Variants in CRPPA observed in about 807,000 individuals in gnomAD.
The protein encoded by CRPPA is CDP-L-ribitol pyrophosphorylase A, also known as D-ribitol-5-phosphate cytidylyltransferase.
CRPPA carries 43 observed loss-of-function variants against 52.0 expected under a neutral mutation model. That is an observed-to-expected ratio of 0.83 (90% CI 0.65 to 1.07). The LOEUF (loss-of-function observed/expected upper bound fraction) is 1.07. Among genes scored for constraint, CRPPA ranks in the 50% least tolerant of loss-of-function variants. CRPPA has a pLI of 0.00. For synonymous variants in CRPPA, 250 were observed against 203.5 expected (o/e 1.23, Z -1.94); for missense variants, 629 against 551.7 (o/e 1.14, Z -1.40).
intron 9 of CRPPA, among the ~76,000 whole-genome samples, chr7:16,116,689 A>AAGGGAAGGGAAAGGAAAGGGG (rs1782381954): frequency 6.6e-6 from 1 of 150,466 alleles, no homozygotes. Flanking sequence ...AAGGAAAGGG[A>AAGGGAAGGGAAAGGAAAGGGG]AGGGAAAGGG....
chr7:16,368,814 C>T (rs556079931), intron 3 of CRPPA, among the ~76,000 whole-genome samples: 42 of 152,226 alleles, frequency 2.8e-4, no homozygotes, highest in Non-Finnish European at 5.4e-4. Flanking sequence ...ACCTTACACA[C>T]GGATCTTTGC....
At chr7:16,217,168 C>G (rs1380445248) in intron 8 of CRPPA, among the ~76,000 whole-genome samples, 4 of 145,532 alleles carry the variant, frequency 2.7e-5, no homozygotes, top group South Asian at 4.6e-4. Flanking sequence ...GAGGCACCCC[C>G]CAGCAGGGGC....
intron 3 of CRPPA, among the ~76,000 whole-genome samples, chr7:16,358,102 G>A (rs977980442): frequency 2.0e-5 from 3 of 152,156 alleles, no homozygotes; most frequent in African/African-American, 7.2e-5. Flanking sequence ...ATCTCCATGA[G>A]GGTTTACACA....
chr7:16,366,004 T>C (rs975459314), intron 3 of CRPPA, among the ~76,000 whole-genome samples: 22 of 152,320 alleles, frequency 1.4e-4, no homozygotes, highest in African/African-American at 5.3e-4. Flanking sequence ...TATCTCAGAC[T>C]GCATAGTTTA....
At chr7:16,225,003 A>G (rs868350659) in intron 8 of CRPPA, among the ~76,000 whole-genome samples, 2 of 152,164 alleles carry the variant, frequency 1.3e-5, no homozygotes, top group African/African-American at 4.8e-5. Flanking sequence ...GTCACTGGTA[A>G]ATCTTCACAA....
chr7:16,248,762 C>T (rs893056970), intron 8 of CRPPA, among the ~76,000 whole-genome samples: 8 of 152,104 alleles, frequency 5.3e-5, no homozygotes, highest in South Asian at 2.1e-4. Flanking sequence ...GGTGGGGCGT[C>T]GCCTCACCTG....
At chr7:16,316,228 T>C (rs1338815562) in intron 3 of CRPPA, among the ~76,000 whole-genome samples, 1 of 151,864 alleles carries the variant, frequency 6.6e-6, no homozygotes, top group Non-Finnish European at 1.5e-5. Context: ...AGAAGCCAGG[T>C]AGGAGGGGTT....
In CRPPA at chr7:16,089,217, T is replaced by C. The variant is rs1408226815; in HGVS notation, c.*2478A>G. ...GTGTGTATATACGTACGTATATACA[T>C]ATATGTGTGTATGCGTACGTATATA... On this transcript the variant is annotated 3_prime_UTR_variant, in exon 10 of 10. Transcript: ENST00000407010. The C allele has an allele frequency of 5.4e-6, 2 of 371,682 alleles. No homozygotes were observed. Among genetic ancestry groups the C allele is most frequent in the Admixed American group, 2.5e-5 (1 of 40,662 alleles). 23.0% of individuals were successfully genotyped at this position (371,682 alleles called of 1,614,324 possible).
intron 9 of CRPPA, among the ~76,000 whole-genome samples, chr7:16,108,171 T>C (rs1252674116): frequency 6.6e-6 from 1 of 152,000 alleles, no homozygotes; most frequent in East Asian, 1.9e-4. Context: ...TTGAATTCTC[T>C]GAGACACAAA....
Position 16,376,099 on chromosome 7 carries a change from T to TA in CRPPA, c.676dup (p.Tyr226LeufsTer5). The TA allele has an allele frequency of 6.3e-7, 1 of 1,587,166 alleles. No individual in the cohort carries two copies. Among genetic ancestry groups the TA allele is most frequent in the Non-Finnish European group, 8.6e-7 (1 of 1,167,124 alleles). On this transcript the variant is annotated frameshift_variant, in exon 3 of 10. Coordinates refer to ENST00000407010, the MANE Select transcript of CRPPA (RefSeq NM_001101426.4). LOFTEE classifies it high-confidence loss of function. ...AAAAGCCCAAATTCTTACCTGCTGATATGCTTCATAAATCACATCAAATAG... is the reference window on the plus strand; with the variant it reads ...AAAAGCCCAAATTCTTACCTGCTGATAATGCTTCATAAATCACATCAAATAG...
chr7:16,280,487 T>C (rs926080771), intron 5 of CRPPA, among the ~76,000 whole-genome samples: 5 of 152,202 alleles, frequency 3.3e-5, no homozygotes, highest in Non-Finnish European at 7.4e-5. Context: ...TACAAAGTAA[T>C]CTGCAAATGC....
chr7:16,290,449 A>C (rs1356914158), intron 5 of CRPPA, among the ~76,000 whole-genome samples: 1 of 152,004 alleles, frequency 6.6e-6, no homozygotes, highest in Non-Finnish European at 1.5e-5. Flanking sequence ...AGTTTAAAAC[A>C]GACACAGAAG....
intron 1 of CRPPA, among the ~76,000 whole-genome samples, chr7:16,409,526 A>T (rs1406651189): frequency 2.0e-5 from 3 of 152,194 alleles, no homozygotes; most frequent in Admixed American, 2.0e-4. Flanking sequence ...TACCAGGTGG[A>T]GCTTGTATAT....
intron 9 of CRPPA, among the ~76,000 whole-genome samples, chr7:16,160,972 T>C (rs1340653843): frequency 1.3e-5 from 2 of 152,222 alleles, no homozygotes; most frequent in African/African-American, 2.4e-5. Context: ...TTGTCTATTG[T>C]TGATGTATAG....
At chr7:16,121,122 C>T (rs1358561693) in intron 9 of CRPPA, among the ~76,000 whole-genome samples, 1 of 152,050 alleles carries the variant, frequency 6.6e-6, no homozygotes, top group East Asian at 1.9e-4. Context: ...TAGGTAATGA[C>T]TGAAAAACTC....
chr7:16,174,242 A>G (rs1329405497), intron 9 of CRPPA, among the ~76,000 whole-genome samples: 1 of 152,140 alleles, frequency 6.6e-6, no homozygotes, highest in Non-Finnish European at 1.5e-5. Flanking sequence ...TGGGCTCTAG[A>G]AAAACCTCAA....
intron 9 of CRPPA, among the ~76,000 whole-genome samples, chr7:16,186,042 T>C (rs1037767435): frequency 1.4e-4 from 22 of 152,172 alleles, no homozygotes; most frequent in Admixed American, 1.4e-3. Context: ...TAAACTGGCA[T>C]TGAAAGTCCT....
intron 5 of CRPPA, among the ~76,000 whole-genome samples, chr7:16,287,156 G>T (rs1357306323): frequency 6.6e-6 from 1 of 152,076 alleles, no homozygotes; most frequent in Non-Finnish European, 1.5e-5. Context: ...TCAATAAAAG[G>T]TGTCTATAAA....
chr7:16,286,052 T>A lies in CRPPA; in HGVS notation c.836-7826A>T, dbSNP rs1318912225. ...AAAAAAAAAAAAATATAAATATATA[T>A]ATATATATATATATATATATATATA... On this transcript the variant is annotated intron_variant, in intron 5 of 9. Transcript: ENST00000407010. Among the ~76,000 whole-genome samples the A allele has an allele frequency of 5.1e-3, 49 of 9,670 alleles. 4 individuals carry two copies. Among genetic ancestry groups the A allele is most frequent in the African/African-American group, 0.029 (42 of 1,456 alleles). The allele number at this position is 9,670 out of a possible 152,430, so 6.3% of individuals were successfully genotyped here.
Sources: gnomAD v4.1 joint callset for allele counts (sites outside exome capture counted in the v4.1 genomes callset) on GRCh38, gnomAD v4.1.1 for gene constraint, MANE v1.5 for transcripts, NCBI Gene and HGNC (gene_info 2026-07-23, HGNC 2026-07-21) for gene names.